BET1: variants seen among roughly 807,000 people sequenced by gnomAD.
The protein encoded by BET1 is Bet1 golgi vesicular membrane trafficking protein.
BET1 carries 9 observed loss-of-function variants against 13.9 expected under a neutral mutation model. That is an observed-to-expected ratio of 0.65 (90% CI 0.39 to 1.13). The LOEUF is 1.13. Among genes scored for constraint, BET1 ranks in the 50% most tolerant of loss-of-function variants. The pLI is 0.01. For missense variants in BET1, 127 were observed against 133.6 expected (o/e 0.95, Z 0.24); for synonymous variants, 39 against 47.3 (o/e 0.82, Z 0.72).
chr7:94,000,860 C>T lies in BET1; in HGVS notation c.20-1566G>A, dbSNP rs897490145. 3.3e-5 allele frequency among the ~76,000 whole-genome samples: 5 copies of T among 152,108 alleles called. No homozygotes were observed. In the South Asian group the frequency reaches 6.2e-4, roughly 19 times the overall value. On this transcript the variant is annotated intron_variant, in intron 1 of 3. Coordinates refer to ENST00000222547, the MANE Select transcript of BET1 (RefSeq NM_005868.6). Reference sequence around the variant, plus strand: ...AAACTAGAAGTCTCAGAGCCTGCTGCACACAGTTGCTTGCACCTATAATCC... The same window carrying T: ...AAACTAGAAGTCTCAGAGCCTGCTGTACACAGTTGCTTGCACCTATAATCC...
In BET1 at chr7:94,004,254, T is replaced by A; in HGVS notation, c.-38A>T. ...GAGAGAGAAAAGGCGGGTGCGGGGCTTTGGGTGAGTAGGAAACAGCTAGGG... is the reference window on the plus strand; with the variant it reads ...GAGAGAGAAAAGGCGGGTGCGGGGCATTGGGTGAGTAGGAAACAGCTAGGG... On this transcript the variant is annotated 5_prime_UTR_variant, in exon 1 of 4. The change creates a new upstream start codon in the 5' untranslated region. Coordinates refer to ENST00000222547, the MANE Select transcript of BET1 (RefSeq NM_005868.6). 1 of 1,613,944 alleles carries A rather than the reference T, an allele frequency of 6.2e-7. No homozygotes were observed.
intron 1 of BET1, 91 bp from the exon 2 acceptor site, chr7:93,999,385 G>A: frequency 6.7e-7 from 1 of 1,484,522 alleles, no homozygotes; most frequent in Non-Finnish European, 9.0e-7. Context: ...CCCCTGGAGG[G>A]CCTTGCAAAC....
chr7:93,981,747 A>G (rs1795434010), intron 4 of BET1, among the ~76,000 whole-genome samples: 2 of 152,204 alleles, frequency 1.3e-5, no homozygotes, highest in Non-Finnish European at 2.9e-5. Flanking sequence ...TCCAGGTAGC[A>G]TTCCCGGGCA....
intron 4 of BET1, among the ~76,000 whole-genome samples, chr7:93,977,820 AC>A (rs1271836287): frequency 6.6e-6 from 1 of 151,982 alleles, no homozygotes; most frequent in Non-Finnish European, 1.5e-5. Flanking sequence ...CATATCTGAC[AC>A]TTTCTTTAAT....
chr7:93,992,025 T>C (rs1795647934), downstream of BET1: 1 of 985,258 alleles, frequency 1.0e-6, no homozygotes, highest in Admixed American at 6.2e-5. Context: ...AAATGTTGCA[T>C]ATTTGTTTTA....
chr7:93,973,584 C>A (rs1795292732), intron 5 of BET1, among the ~76,000 whole-genome samples: 1 of 151,862 alleles, frequency 6.6e-6, no homozygotes, highest in Non-Finnish European at 1.5e-5. Context: ...AATGTGTATG[C>A]ATACAAACCA....
At chr7:93,999,626 A>G in intron 1 of BET1, 1 of 459,018 alleles carries the variant, frequency 2.2e-6, no homozygotes, top group Non-Finnish European at 4.4e-6. Context: ...ATATATTTTA[A>G]TGAAAGTTCT....
In BET1 at chr7:93,994,847, C is replaced by CTTAT. The variant is rs534668906; in HGVS notation, c.202-466_202-463dup. ...TAGCAGTTAAATGTACTTTTATTTACTTATTTATTTATTTAGAGACGGAGT... is the reference window on the plus strand; with the variant it reads ...TAGCAGTTAAATGTACTTTTATTTACTTATTTATTTATTTATTTAGAGACGGAGT... On this transcript the variant is annotated intron_variant, in intron 3 of 3. Coordinates refer to ENST00000222547, the MANE Select transcript of BET1 (RefSeq NM_005868.6). 7.0e-3 allele frequency among the ~76,000 whole-genome samples: 1,052 copies of CTTAT among 149,826 alleles called. 11 individuals are homozygous for CTTAT. Among genetic ancestry groups the CTTAT allele is most frequent in the African/African-American group, 0.024 (949 of 40,162 alleles).
downstream of BET1, among the ~76,000 whole-genome samples, chr7:93,989,026 GTTTT>G (rs1795579657): frequency 6.7e-6 from 1 of 149,568 alleles, no homozygotes; most frequent in Admixed American, 6.7e-5. Context: ...GTTGTTGTTT[GTTTT>G]TTTGAGACGG....
intron 3 of BET1, among the ~76,000 whole-genome samples, chr7:93,994,818 C>T (rs780037399): frequency 1.3e-5 from 2 of 152,102 alleles, no homozygotes; most frequent in Admixed American, 6.5e-5. Context: ...AAATGTAATA[C>T]GGTTAGCAGT....
downstream of BET1, among the ~76,000 whole-genome samples, chr7:93,989,194 AG>A (rs1795583505): frequency 6.6e-6 from 1 of 151,552 alleles, no homozygotes; most frequent in Admixed American, 6.6e-5. Context: ...TTGTATTTTT[AG>A]TAGACACGGG....
intron 4 of BET1, among the ~76,000 whole-genome samples, chr7:93,981,776 C>A (rs1259545687): frequency 6.6e-6 from 1 of 152,182 alleles, no homozygotes; most frequent in Non-Finnish European, 1.5e-5. Context: ...AGAAGTAACA[C>A]CTTCTCTTGG....
chr7:93,966,581 C>G (rs529491102), intron 6 of BET1, among the ~76,000 whole-genome samples: 1 of 149,830 alleles, frequency 6.7e-6, no homozygotes, highest in East Asian at 2.0e-4. Flanking sequence ...GAAAGTCTGA[C>G]GGAGGTACCA....
chr7:93,971,937 A>G lies in BET1; in HGVS notation c.*137+638T>C, dbSNP rs1168064905. On this transcript the variant is annotated intron_variant and NMD_transcript_variant, in intron 6 of 6. Transcript: ENST00000357520. ...AGCTTTTTCCAGAAACTGCAAGCTTAAAAAAAAAAAAGCCATTGGATATGA... is the reference window on the plus strand; with the variant it reads ...AGCTTTTTCCAGAAACTGCAAGCTTGAAAAAAAAAAAGCCATTGGATATGA... Among the ~76,000 whole-genome samples the G allele has an allele frequency of 3.0e-5, 4 of 133,344 alleles. No individual in the cohort carries two copies. In the East Asian group the frequency reaches 8.1e-4, roughly 27 times the overall value. The allele number at this position is 133,344 out of a possible 152,430, so 87.5% of individuals were successfully genotyped here.
chr7:93,996,373 T>C, intron 2 of BET1, 52 bp from the exon 3 acceptor site: 1 of 1,302,454 alleles, frequency 7.7e-7, no homozygotes, highest in Admixed American at 2.7e-5. Context: ...TATTCAAGTG[T>C]TATAAAGTAA....
At chr7:93,976,529 C>T (rs891221860) in intron 4 of BET1, among the ~76,000 whole-genome samples, 1 of 152,094 alleles carries the variant, frequency 6.6e-6, no homozygotes, top group Admixed American at 6.6e-5. Flanking sequence ...GGCAGGATCT[C>T]TGAACAATAG....
chr7:93,988,466 G>A (rs1445291845), downstream of BET1, among the ~76,000 whole-genome samples: 1 of 152,142 alleles, frequency 6.6e-6, no homozygotes, highest in African/African-American at 2.4e-5. Flanking sequence ...CTCTAGGGAA[G>A]TACTAGAACA....
At chr7:93,983,068 G>A (rs1795455918) in intron 4 of BET1, among the ~76,000 whole-genome samples, 1 of 152,138 alleles carries the variant, frequency 6.6e-6, no homozygotes, top group South Asian at 2.1e-4. Context: ...AGTACCAGAA[G>A]ACCAGAGGTG....
At position 93,995,662 on chromosome 7, in the gene BET1, G is replaced by A. The variant is rs1317605725; in HGVS notation, c.201+603C>T. ...AGCGCACAAGCTTAGCAAGAACATT[G>A]CTTTTGATGCCAAATTCATTTTTGA... On this transcript the variant is annotated intron_variant, in intron 3 of 3. Coordinates refer to ENST00000222547, the MANE Select transcript of BET1 (RefSeq NM_005868.6). Among the ~76,000 whole-genome samples, 3 of 152,278 alleles carry A rather than the reference G, an allele frequency of 2.0e-5. No individual in the cohort carries two copies. The South Asian group carries it at 6.2e-4, about 32-fold the overall frequency.
Sources: gnomAD v4.1 joint callset for allele counts (sites outside exome capture counted in the v4.1 genomes callset) on GRCh38, gnomAD v4.1.1 for gene constraint, MANE v1.5 for transcripts, NCBI Gene and HGNC (gene_info 2026-07-23, HGNC 2026-07-21) for gene names.